Variants in GPC6 observed in about 807,000 individuals in gnomAD.
GPC6 encodes glypican-6.
A neutral mutation model predicts 55.2 loss-of-function variants in GPC6; 14 were observed. The observed-to-expected ratio is 0.25, with a 90% CI of 0.17 to 0.40. The LOEUF is 0.40. Among genes scored for constraint, GPC6 ranks in the 10% least tolerant of loss-of-function variants. The pLI is 1.00. For missense variants in GPC6, 641 were observed against 708.5 expected, an observed-to-expected ratio of 0.90 and a Z score of 1.08; for synonymous variants, 278 against 259.6, an observed-to-expected ratio of 1.07 and a Z score of -0.68.
intron 2 of GPC6, among the ~76,000 whole-genome samples, chr13:93,808,179 G>A (rs9516297): frequency 0.39 from 58,468 of 151,214 alleles, 12,332 homozygotes; most frequent in African/African-American, 0.56. Context: ...TAGATTAATG[G>A]GATAGTTATT....
intron 3 of GPC6, among the ~76,000 whole-genome samples, chr13:93,989,383 TA>T (rs1408451775): frequency 6.6e-6 from 1 of 152,136 alleles, no homozygotes; most frequent in Non-Finnish European, 1.5e-5. Flanking sequence ...TGTTACATAA[TA>T]AAAGGAGCAA....
chr13:93,222,589 T>G (rs1488938513), upstream of GPC6, among the ~76,000 whole-genome samples: 1 of 148,810 alleles, frequency 6.7e-6, no homozygotes, highest in Non-Finnish European at 1.5e-5. Context: ...TCTCCATCTC[T>G]TTCTTGTCCA....
intron 4 of GPC6, among the ~76,000 whole-genome samples, chr13:94,157,184 TTAGCA>T (rs1887980726): frequency 6.6e-6 from 1 of 152,158 alleles, no homozygotes; most frequent in Admixed American, 6.6e-5. Context: ...TGCCTGGGCC[TTAGCA>T]TTCTCATCTA....
At chr13:93,449,493 A>C in intron 1 of GPC6, among the ~76,000 whole-genome samples, 1 of 93,622 alleles carries the variant, frequency 1.1e-5, no homozygotes, top group South Asian at 3.4e-4. Flanking sequence ...CATGGATACA[A>C]ATAATAACAC....
At chr13:93,806,308 A>C (rs9524230) in intron 2 of GPC6, among the ~76,000 whole-genome samples, 57,695 of 151,454 alleles carry the variant, frequency 0.38, 11,818 homozygotes, top group African/African-American at 0.52. Flanking sequence ...ACAACGTATA[A>C]TTTTTTTTTC....
chr13:93,539,295 C>G (rs1241316119), intron 1 of GPC6, among the ~76,000 whole-genome samples: 1 of 152,078 alleles, frequency 6.6e-6, no homozygotes, highest in Non-Finnish European at 1.5e-5. Flanking sequence ...ATCATAATCA[C>G]TTTGGGAAGA....
At chr13:93,646,442 G>A (rs1451940497) in intron 2 of GPC6, among the ~76,000 whole-genome samples, 1 of 152,012 alleles carries the variant, frequency 6.6e-6, no homozygotes, top group East Asian at 1.9e-4. Context: ...AATGTCATCC[G>A]TTGCCAGAAA....
intron 1 of GPC6, among the ~76,000 whole-genome samples, chr13:93,480,077 C>T (rs1438205038): frequency 6.6e-6 from 1 of 152,110 alleles, no homozygotes; most frequent in East Asian, 1.9e-4. Flanking sequence ...ACTTTGGCAA[C>T]ATAGACATTA....
At chr13:93,881,310 T>C (rs1489162960) in intron 3 of GPC6, among the ~76,000 whole-genome samples, 2 of 152,090 alleles carry the variant, frequency 1.3e-5, no homozygotes, top group Non-Finnish European at 1.5e-5. Flanking sequence ...TGTTTGCAAT[T>C]AATAGTGGAC....
intron 1 of GPC6, among the ~76,000 whole-genome samples, chr13:93,270,072 T>C (rs1438259935): frequency 1.3e-5 from 2 of 151,372 alleles, no homozygotes; most frequent in Non-Finnish European, 2.9e-5. Context: ...CTGGGCAGCA[T>C]AGTAAGACTA....
intron 1 of GPC6, among the ~76,000 whole-genome samples, chr13:93,478,362 C>A (rs1879379510): frequency 6.6e-6 from 1 of 152,072 alleles, no homozygotes; most frequent in African/African-American, 2.4e-5. Flanking sequence ...TCCCCATTTA[C>A]AAATTGGTCT....
chr13:94,326,708 T>G (rs1033478562), intron 6 of GPC6, among the ~76,000 whole-genome samples: 8 of 152,268 alleles, frequency 5.3e-5, no homozygotes, highest in Non-Finnish European at 1.2e-4. Flanking sequence ...ATGGCCTACA[T>G]GTTGTCACTT....
intron 1 of GPC6, among the ~76,000 whole-genome samples, chr13:93,501,955 TG>T (rs1880535699): frequency 2.0e-5 from 3 of 152,146 alleles, no homozygotes; most frequent in African/African-American, 7.2e-5. Context: ...TCTAGTAGAA[TG>T]TAGAATAGTA....
intron 2 of GPC6, among the ~76,000 whole-genome samples, chr13:93,709,010 T>C (rs1882952855): frequency 6.6e-6 from 1 of 151,822 alleles, no homozygotes. Context: ...ATACGATGTA[T>C]TGAAGGATAT....
intron 6 of GPC6, among the ~76,000 whole-genome samples, chr13:94,379,469 A>T (rs544644584): frequency 2.9e-4 from 44 of 152,328 alleles, no homozygotes; most frequent in African/African-American, 1.0e-3. Flanking sequence ...ACAATGAGAG[A>T]AAACCCACAT....
intron 1 of GPC6, among the ~76,000 whole-genome samples, chr13:93,531,805 T>C (rs1006103524): frequency 6.6e-6 from 1 of 152,192 alleles, no homozygotes; most frequent in Non-Finnish European, 1.5e-5. Context: ...ATTTCATACA[T>C]AGTCACAATT....
At chr13:93,654,524 C>A (rs1426056200) in intron 2 of GPC6, among the ~76,000 whole-genome samples, 1 of 152,038 alleles carries the variant, frequency 6.6e-6, no homozygotes, top group Admixed American at 6.6e-5. Context: ...GATGGGGTTT[C>A]ACCATGTTGG....
intron 2 of GPC6, among the ~76,000 whole-genome samples, chr13:93,702,697 T>C (rs570125228): frequency 6.6e-6 from 1 of 152,154 alleles, no homozygotes; most frequent in Non-Finnish European, 1.5e-5. Context: ...AGCTCCTCCA[T>C]GACCACTTGC....
At chr13:93,485,258 G>GA (rs953710287) in intron 1 of GPC6, among the ~76,000 whole-genome samples, 3 of 152,142 alleles carry the variant, frequency 2.0e-5, no homozygotes, top group South Asian at 2.1e-4. Flanking sequence ...AGCACAGGTG[G>GA]AAAAAAAGCT....
Sources: allele counts gnomAD v4.1 joint callset (sites outside exome capture counted in the v4.1 genomes callset), GRCh38; gene constraint gnomAD v4.1.1; transcripts MANE v1.5; gene names NCBI Gene and HGNC (gene_info 2026-07-23, HGNC 2026-07-21).